The following TEX11 variants were observed in gnomAD, a reference collection of about 807,000 sequenced individuals.
TEX11 encodes testis expressed 11, also known as testis-expressed protein 11.
Under a neutral mutation model 84.4 loss-of-function variants are expected in TEX11, and 7 were observed. That is an observed-to-expected ratio of 0.08 (90% CI 0.05 to 0.16). The LOEUF is 0.16. Among genes scored for constraint, TEX11 ranks in the 10% least tolerant of loss-of-function variants. TEX11 has a pLI of 1.00. For missense variants in TEX11, 551 were observed against 660.5 expected, an observed-to-expected ratio of 0.83 and a Z score of 1.82; for synonymous variants, 264 against 222.8, an observed-to-expected ratio of 1.18 and a Z score of -1.64.
chrX:70,867,042 G>T (rs1424097831), intron 4 of TEX11, among the ~76,000 whole-genome samples: 1 of 111,686 alleles, frequency 9.0e-6, no homozygotes, highest in Non-Finnish European at 1.9e-5. Context: ...GCAAGAGAAA[G>T]AAATAAAGCG....
At chrX:70,769,148 TTCACCTTAGGAA>T (rs1444706406) in intron 9 of TEX11, among the ~76,000 whole-genome samples, 1 of 111,340 alleles carries the variant, frequency 9.0e-6, no homozygotes, top group Non-Finnish European at 1.9e-5. Flanking sequence ...ATGCTAACCT[TTCACCTTAGGAA>T]AAGGGAAAAG....
At chrX:70,713,424 A>C (rs955930335) in intron 13 of TEX11, among the ~76,000 whole-genome samples, 1 of 111,365 alleles carries the variant, frequency 9.0e-6, no homozygotes, top group Non-Finnish European at 1.9e-5. Flanking sequence ...CTGGTCCTGG[A>C]CTTTTTTTGG....
intron 13 of TEX11, among the ~76,000 whole-genome samples, chrX:70,715,775 CCTT>C (rs776891995): frequency 1.3e-3 from 147 of 112,187 alleles, no homozygotes; most frequent in Middle Eastern, 4.6e-3. Flanking sequence ...TCGTCTGAAG[CCTT>C]CTTCTCTCCA....
intron 25 of TEX11, among the ~76,000 whole-genome samples, chrX:70,577,881 C>G (rs1200626300): frequency 9.1e-6 from 1 of 110,427 alleles, no homozygotes; most frequent in Non-Finnish European, 1.9e-5. Context: ...GTACCCACCA[C>G]CACGCCAAGC....
chrX:70,748,391 A>G (rs1313592119), intron 9 of TEX11, among the ~76,000 whole-genome samples: 2 of 111,554 alleles, frequency 1.8e-5, no homozygotes, highest in Non-Finnish European at 3.8e-5. Flanking sequence ...TTAACAGCTG[A>G]CACCCCTCAG....
chrX:70,527,588 C>G (rs942515134), downstream of TEX11, among the ~76,000 whole-genome samples: 2 of 111,674 alleles, frequency 1.8e-5, no homozygotes, highest in Non-Finnish European at 1.9e-5. Flanking sequence ...AACTTATAAT[C>G]CTGAACTTAG....
At chrX:70,707,221 T>C (rs983863926) in intron 13 of TEX11, among the ~76,000 whole-genome samples, 9 of 110,680 alleles carry the variant, frequency 8.1e-5, no homozygotes, top group Non-Finnish European at 1.3e-4. Flanking sequence ...TCCATGATGG[T>C]CTAGGCTTCT....
intron 17 of TEX11, among the ~76,000 whole-genome samples, chrX:70,647,411 T>G (rs1296385053): frequency 9.0e-6 from 1 of 111,143 alleles, no homozygotes; most frequent in African/African-American, 3.3e-5. Context: ...ACAAAAAAAA[T>G]GCTAAGTATG....
At chrX:70,616,549 T>C (rs2089320010) in intron 20 of TEX11, among the ~76,000 whole-genome samples, 1 of 111,801 alleles carries the variant, frequency 8.9e-6, no homozygotes, top group African/African-American at 3.2e-5. Context: ...AGATAGTCAG[T>C]ACATCAAAGA....
At chrX:70,564,333 T>G (rs1041523214) in intron 25 of TEX11, among the ~76,000 whole-genome samples, 2 of 112,403 alleles carry the variant, frequency 1.8e-5, no homozygotes, top group Admixed American at 9.4e-5. Flanking sequence ...ATAAAATCCA[T>G]GTATTACTTT....
intron 13 of TEX11, among the ~76,000 whole-genome samples, chrX:70,685,427 T>G (rs1456981740): frequency 8.9e-6 from 1 of 111,771 alleles, no homozygotes; most frequent in African/African-American, 3.3e-5. Context: ...GAACACATCC[T>G]ACAGCACACA....
chrX:70,732,043 T>A (rs1052249344), intron 11 of TEX11, among the ~76,000 whole-genome samples: 6 of 111,677 alleles, frequency 5.4e-5, no homozygotes, highest in Non-Finnish European at 7.5e-5. Context: ...ACAGAACCAA[T>A]GACAAAAACC....
chrX:70,573,234 A>C (rs1196909558), intron 25 of TEX11, among the ~76,000 whole-genome samples: 2 of 111,368 alleles, frequency 1.8e-5, no homozygotes, highest in Non-Finnish European at 3.8e-5. Context: ...CCTGTATCAA[A>C]GTCTCTACTC....
chrX:70,871,833 C>G (rs1397166248), intron 4 of TEX11, among the ~76,000 whole-genome samples: 1 of 106,328 alleles, frequency 9.4e-6, no homozygotes, highest in Non-Finnish European at 1.9e-5. Flanking sequence ...TTGCTTCCCC[C>G]TTTTTTCTCC....
intron 3 of TEX11, 52 bp from the exon 4 acceptor site, chrX:70,873,359 A>G (rs958519048): frequency 1.2e-6 from 1 of 809,400 alleles, no homozygotes; most frequent in Non-Finnish European, 1.9e-6. Flanking sequence ...GCCACCTCCA[A>G]CGGTATTTTC....
chrX:70,656,061 A>G (rs886361742), intron 16 of TEX11, among the ~76,000 whole-genome samples: 3 of 109,806 alleles, frequency 2.7e-5, no homozygotes, highest in Admixed American at 9.8e-5. Context: ...ACCCAGAAGA[A>G]TTTATAAGCA....
At chrX:70,720,377 G>A (rs1405088953) in intron 13 of TEX11, among the ~76,000 whole-genome samples, 1 of 110,729 alleles carries the variant, frequency 9.0e-6, no homozygotes, top group Non-Finnish European at 1.9e-5. Context: ...CATGGGGTGG[G>A]AGAAGGGGGT....
intron 2 of TEX11, among the ~76,000 whole-genome samples, chrX:70,897,929 G>A (rs2091782344): frequency 9.0e-6 from 1 of 111,376 alleles, no homozygotes; most frequent in Non-Finnish European, 1.9e-5. Flanking sequence ...TTAAAATAAA[G>A]CATGGAGAAG....
chrX:70,766,419 GA>G (rs373876493), intron 9 of TEX11, among the ~76,000 whole-genome samples: 5 of 90,272 alleles, frequency 5.5e-5, no homozygotes, highest in South Asian at 4.9e-4. Flanking sequence ...CTCAAAAAAA[GA>G]AAAAAAAAAG....
Sources: allele counts gnomAD v4.1 joint callset (sites outside exome capture counted in the v4.1 genomes callset), GRCh38; gene constraint gnomAD v4.1.1; transcripts MANE v1.5; gene names NCBI Gene and HGNC (gene_info 2026-07-23, HGNC 2026-07-21).